The following F8 variants were observed in gnomAD, a reference collection of about 807,000 sequenced individuals.
F8 encodes the protein antihemophilic factor.
In F8, 12 loss-of-function variants were observed where a neutral mutation model predicts 140.6. That is an observed-to-expected ratio of 0.09 (90% CI 0.05 to 0.14). The LOEUF is 0.14. F8 is among the 10% of genes least tolerant of loss of function. The pLI is 1.00. For synonymous variants in F8, 585 were observed against 614.6 expected, an observed-to-expected ratio of 0.95 and a Z score of 0.71; for missense variants, 1,354 against 1,720.7, an observed-to-expected ratio of 0.79 and a Z score of 3.77.
At chrX:155,015,252 A>C (rs2124167381) in intron 1 of F8, among the ~76,000 whole-genome samples, 1 of 112,482 alleles carries the variant, frequency 8.9e-6, no homozygotes, top group Admixed American at 9.4e-5. Flanking sequence ...AAGTTCTAGA[A>C]GAAAACAGAA....
chrX:154,945,594 A>T (rs1557280239), intron 13 of F8, among the ~76,000 whole-genome samples: 2 of 112,185 alleles, frequency 1.8e-5, no homozygotes. Flanking sequence ...AGCTTACCTC[A>T]AAACAATAAA....
intron 22 of F8, among the ~76,000 whole-genome samples, chrX:154,875,678 T>C (rs1266596134): frequency 9.1e-6 from 1 of 109,776 alleles, no homozygotes; most frequent in East Asian, 2.8e-4. Flanking sequence ...TGTGAAAGAG[T>C]ACTGGGAATG....
At chrX:154,914,903 G>GC (rs1189411727) in intron 14 of F8, among the ~76,000 whole-genome samples, 5 of 111,186 alleles carry the variant, frequency 4.5e-5, no homozygotes, top group Non-Finnish European at 7.5e-5. Flanking sequence ...TTATAGCAGT[G>GC]CCCCCCCTAC....
In F8 at chrX:154,969,396, G is replaced by A; in HGVS notation, c.944C>T (p.Ala315Val). 1.7e-6 allele frequency: 2 copies of A among 1,211,750 alleles called. No homozygotes were observed. The highest frequency in any genetic ancestry group is 2.2e-6 in the Non-Finnish European group (2 of 895,349). ...LEISPITFLT[A>V]QTLLMDLGQF... ...TCCAAGGTCCATCAAGAGTGTTTGA[G>A]CAGTAAGGAAAGTTATTGGCGAGAT... is the stretch of plus-strand genomic sequence containing the variant. Residue 315 changes from alanine to valine, a missense_variant, in exon 7 of 26, where the codon GCT (alanine) becomes GTT (valine). Physicochemically the swap from Ala to Val is moderately conservative, Grantham distance 64. Coordinates refer to ENST00000360256, the MANE Select transcript of F8 (RefSeq NM_000132.4).
intron 14 of F8, 110 bp downstream of exon 14, chrX:154,928,461 G>A (rs2073171599): frequency 1.4e-6 from 1 of 698,581 alleles, no homozygotes; most frequent in South Asian, 2.4e-5. Context: ...CAGAGTAAGA[G>A]TTTCAAGACA....
At chrX:154,939,849 C>T (rs1199023047) in intron 13 of F8, among the ~76,000 whole-genome samples, 1 of 112,028 alleles carries the variant, frequency 8.9e-6, no homozygotes, top group Non-Finnish European at 1.9e-5. Context: ...GCAGCATTTG[C>T]AGTTCACCAA....
intron 21 of F8, among the ~76,000 whole-genome samples, chrX:154,896,625 G>A (rs2072982846): frequency 9.0e-6 from 1 of 110,556 alleles, no homozygotes. Context: ...CTCAGCCTCA[G>A]ACCAAAGCCA....
At chrX:154,897,114 T>C (rs1460859874) in intron 21 of F8, among the ~76,000 whole-genome samples, 2 of 112,591 alleles carry the variant, frequency 1.8e-5, no homozygotes, top group Non-Finnish European at 3.7e-5. Context: ...TACTGCTGTA[T>C]AGCAAATGCT....
At chrX:154,970,226 C>T (rs985126689) in intron 6 of F8, among the ~76,000 whole-genome samples, 2 of 112,106 alleles carry the variant, frequency 1.8e-5, no homozygotes, top group African/African-American at 6.5e-5. Flanking sequence ...TTCCTCATAA[C>T]AACCCTATGA....
intron 14 of F8, among the ~76,000 whole-genome samples, chrX:154,927,838 G>C (rs1205279384): frequency 9.0e-6 from 1 of 111,476 alleles, no homozygotes; most frequent in Admixed American, 9.5e-5. Flanking sequence ...TTCTCTCAGA[G>C]CTCCATCAGC....
At chrX:155,020,008 G>A (rs6649625) in intron 1 of F8, among the ~76,000 whole-genome samples, 36,411 of 110,604 alleles carry the variant, frequency 0.33, 5,997 homozygotes, top group Non-Finnish European at 0.5. Context: ...ATCACAACAG[G>A]GCTTGGATCT....
At chrX:154,984,552 C>T in intron 6 of F8, 135 bp downstream of exon 6, 2 of 554,813 alleles carry the variant, frequency 3.6e-6, no homozygotes, top group Admixed American at 4.7e-5. Context: ...ACATTAAGAT[C>T]CCCAGAGGCC....
intron 14 of F8, among the ~76,000 whole-genome samples, chrX:154,917,975 G>T (rs2073107174): frequency 9.0e-6 from 1 of 111,686 alleles, no homozygotes; most frequent in Admixed American, 9.5e-5. Context: ...ATTTGCTCTT[G>T]TTTTTTATGC....
intron 25 of F8, among the ~76,000 whole-genome samples, chrX:154,854,941 G>C (rs1322594727): frequency 9.0e-6 from 1 of 110,899 alleles, no homozygotes; most frequent in Non-Finnish European, 1.9e-5. Flanking sequence ...AGACCAGCCT[G>C]GCCAACATGA....
chrX:154,942,394 C>T (rs1264710655), intron 13 of F8, among the ~76,000 whole-genome samples: 8 of 109,104 alleles, frequency 7.3e-5, no homozygotes, highest in Admixed American at 4.8e-4. Flanking sequence ...AACACCTCTA[C>T]GCAAATAAAC....
At chrX:154,900,041 C>T (rs1428760537) in intron 20 of F8, 90 bp from the exon 21 acceptor site, 1 of 811,268 alleles carries the variant, frequency 1.2e-6, no homozygotes, top group Non-Finnish European at 1.8e-6. Flanking sequence ...AAAGGTTAAT[C>T]TAAGCTGTGG....
intron 14 of F8, among the ~76,000 whole-genome samples, chrX:154,915,500 A>G (rs1557277032): frequency 9.0e-6 from 1 of 111,711 alleles, no homozygotes; most frequent in African/African-American, 3.3e-5. Flanking sequence ...TCCTTTCATC[A>G]GGGTTTTACA....
At chrX:154,944,004 A>G (rs1557280088) in intron 13 of F8, among the ~76,000 whole-genome samples, 1 of 112,027 alleles carries the variant, frequency 8.9e-6, no homozygotes, top group Non-Finnish European at 1.9e-5. Context: ...CTTACACCTT[A>G]TACTAAAATT....
At chrX:154,927,442 TA>T (rs2073166978) in intron 14 of F8, among the ~76,000 whole-genome samples, 1 of 111,837 alleles carries the variant, frequency 8.9e-6, no homozygotes, top group South Asian at 3.7e-4. Context: ...AGGTTGGCCT[TA>T]GGAGCACAGA....
Sources: gnomAD v4.1 joint callset for allele counts (sites outside exome capture counted in the v4.1 genomes callset) on GRCh38, gnomAD v4.1.1 for gene constraint, MANE v1.5 for transcripts, NCBI Gene and HGNC (gene_info 2026-07-23, HGNC 2026-07-21) for gene names.